SVOPL: variants seen among roughly 807,000 people sequenced by gnomAD.
The protein encoded by SVOPL is putative transporter SVOPL.
Under a neutral mutation model 61.0 loss-of-function variants are expected in SVOPL, and 60 were observed. That is an observed-to-expected ratio of 0.98 (90% CI 0.80 to 1.22). The LOEUF (loss-of-function observed/expected upper bound fraction) is 1.22. SVOPL is among the 50% of genes most tolerant of loss of function. The pLI is 0.00. For missense variants in SVOPL, 662 were observed against 643.9 expected, an observed-to-expected ratio of 1.03 and a Z score of -0.30; for synonymous variants, 279 against 250.0, an observed-to-expected ratio of 1.12 and a Z score of -1.09.
chr7:138,649,056 G>C lies in SVOPL; in HGVS notation c.616C>G (p.Arg206Gly). 1 of 1,613,830 alleles carries C rather than the reference G, an allele frequency of 6.2e-7. No individual in the cohort carries two copies. The highest frequency in any genetic ancestry group is 8.5e-7 in the Non-Finnish European group (1 of 1,179,950). ...ATGATGCCCGGGATGGAGGCGACGC[G>C]AATGAGCCAGCGCCACCCGATGGTG... ...IPTIGWRWLIRVASIPGIILI... is the reference protein window; with the variant it reads ...IPTIGWRWLIGVASIPGIILI... Residue 206 changes from arginine to glycine, a missense_variant, in exon 8 of 16, where the codon CGC (arginine) becomes GGC (glycine). By Grantham distance (125) the Arg-to-Gly change is moderately radical. Coordinates refer to ENST00000674285, the MANE Select transcript of SVOPL (RefSeq NM_001139456.2).
At chr7:138,631,960 T>TCTCTCACACACACACACACACA (rs935815206) in intron 9 of SVOPL, among the ~76,000 whole-genome samples, 3 of 147,066 alleles carry the variant, frequency 2.0e-5, no homozygotes, top group African/African-American at 7.6e-5. Flanking sequence ...TGCTCTGATA[T>TCTCTCACACACACACACACACA]CACACACACA....
intron 3 of SVOPL, among the ~76,000 whole-genome samples, chr7:138,672,673 A>AAAAAAAAAAAG (rs1563133311): frequency 6.6e-6 from 1 of 150,454 alleles, no homozygotes; most frequent in African/African-American, 2.5e-5. Flanking sequence ...AAAAAAAAAA[A>AAAAAAAAAAAG]AAGAAGCAAT....
rs375405026 is a variant in SVOPL at position 138,627,408 on chromosome 7, A to G, written c.1123T>C (p.Ser375Pro). The G allele has an allele frequency of 6.2e-7, 1 of 1,613,816 alleles. No individual in the cohort carries two copies. The highest frequency in any genetic ancestry group is 1.3e-5 in the African/African-American group (1 of 75,062). ...AAAGCCGTGCATCCCATGGTAATAG[A>G]AAGGCTCAGCCGTCTTCCCAGGAAA... ...INFLGRRLSL[S>P]ITMGCTALFF... is the part of the protein sequence containing the mutation. The change falls in exon 12 of 16, where the codon TCT becomes CCT. Residue 375 changes from serine (S) to proline (P), a missense_variant. Physicochemically the swap from Ser to Pro is moderately conservative, Grantham distance 74 (BLOSUM62 -1). Coordinates refer to ENST00000674285, the MANE Select transcript of SVOPL (RefSeq NM_001139456.2).
At chr7:138,674,085 G>A (rs1163804188) in intron 3 of SVOPL, among the ~76,000 whole-genome samples, 1 of 151,912 alleles carries the variant, frequency 6.6e-6, no homozygotes, top group Non-Finnish European at 1.5e-5. Flanking sequence ...CTACTCAGGA[G>A]GCTAAGGCAG....
At chr7:138,652,378 G>C (rs1301447027) in intron 7 of SVOPL, among the ~76,000 whole-genome samples, 3 of 151,484 alleles carry the variant, frequency 2.0e-5, no homozygotes, top group African/African-American at 7.3e-5. Flanking sequence ...GTAGACTTGG[G>C]GCCTCACTGT....
chr7:138,616,917 G>A (rs1175147426), intron 14 of SVOPL, among the ~76,000 whole-genome samples: 2 of 152,172 alleles, frequency 1.3e-5, no homozygotes, highest in Non-Finnish European at 2.9e-5. Flanking sequence ...CTCCTGAGTA[G>A]CTGGGACTAT....
intron 1 of SVOPL, among the ~76,000 whole-genome samples, chr7:138,695,917 C>T (rs1584873750): frequency 6.6e-6 from 1 of 151,432 alleles, no homozygotes. Context: ...CGAGTAGCTG[C>T]GACTACAGGT....
At chr7:138,695,611 T>C (rs918489720) in intron 1 of SVOPL, among the ~76,000 whole-genome samples, 13 of 152,150 alleles carry the variant, frequency 8.5e-5, no homozygotes, top group Admixed American at 4.6e-4. Flanking sequence ...CTTGTGAGTC[T>C]TGAGACCTGG....
intron 11 of SVOPL, 32 bp downstream of exon 11, chr7:138,628,126 C>A: frequency 6.2e-7 from 1 of 1,613,376 alleles, no homozygotes; most frequent in Non-Finnish European, 8.5e-7. Context: ...CCACCCAAGA[C>A]AGAGAGACCC....
At chr7:138,673,695 T>C (rs1802485472) in intron 3 of SVOPL, among the ~76,000 whole-genome samples, 2 of 152,188 alleles carry the variant, frequency 1.3e-5, no homozygotes, top group South Asian at 4.1e-4. Context: ...CTCATCTTCC[T>C]TCAGTAATAC....
intron 11 of SVOPL, 108 bp from the exon 12 acceptor site, chr7:138,627,569 C>T (rs934891142): frequency 2.3e-5 from 18 of 779,900 alleles, no homozygotes; most frequent in Non-Finnish European, 3.4e-5. Flanking sequence ...GCAACTTCAT[C>T]CAAACCTCAC....
At chr7:138,602,797 TGCTCTCCCAGGA>T (rs1798587261) in intron 14 of SVOPL, among the ~76,000 whole-genome samples, 1 of 152,054 alleles carries the variant, frequency 6.6e-6, no homozygotes, top group South Asian at 2.1e-4. Context: ...AGGTCTGTCC[TGCTCTCCCAGGA>T]CCTCAATTTT....
At chr7:138,658,941 G>A (rs1253188900) in intron 6 of SVOPL, among the ~76,000 whole-genome samples, 2 of 151,388 alleles carry the variant, frequency 1.3e-5, no homozygotes, top group African/African-American at 2.4e-5. Flanking sequence ...CCTCAGCCAG[G>A]GCACTCTAAA....
intron 2 of SVOPL, 83 bp from the exon 3 acceptor site, chr7:138,678,608 C>T (rs1584865270): frequency 2.2e-6 from 3 of 1,372,576 alleles, no homozygotes; most frequent in East Asian, 5.0e-5. Context: ...AAAGCCAACC[C>T]ATTATTATAA....
chr7:138,653,529 C>T (rs765049817), intron 7 of SVOPL, among the ~76,000 whole-genome samples: 3 of 152,164 alleles, frequency 2.0e-5, no homozygotes, highest in Non-Finnish European at 2.9e-5. Flanking sequence ...GGGCCGTGCA[C>T]AGTGCCTCTT....
intron 1 of SVOPL, among the ~76,000 whole-genome samples, chr7:138,690,261 G>T (rs1201117880): frequency 6.6e-6 from 1 of 152,216 alleles, no homozygotes; most frequent in East Asian, 1.9e-4. Flanking sequence ...TGAATGGTCA[G>T]AGAAGCATCA....
chr7:138,652,848 A>G (rs924556057), intron 7 of SVOPL, among the ~76,000 whole-genome samples: 1 of 152,002 alleles, frequency 6.6e-6, no homozygotes, highest in Non-Finnish European at 1.5e-5. Context: ...CTGGTCGTGA[A>G]CCCCTGACCT....
At chr7:138,700,645 C>T (rs1803172315) in intron 1 of SVOPL, among the ~76,000 whole-genome samples, 1 of 151,490 alleles carries the variant, frequency 6.6e-6, no homozygotes, top group South Asian at 2.1e-4. Flanking sequence ...GGCTGGTTTC[C>T]TGTGTCATTC....
At chr7:138,673,357 G>A (rs545694392) in intron 3 of SVOPL, among the ~76,000 whole-genome samples, 1 of 152,236 alleles carries the variant, frequency 6.6e-6, no homozygotes, top group Admixed American at 6.5e-5. Context: ...AAGTAAGAGA[G>A]CATAATTATC....
Sources: allele counts gnomAD v4.1 joint callset (sites outside exome capture counted in the v4.1 genomes callset), GRCh38; gene constraint gnomAD v4.1.1; transcripts MANE v1.5; gene names NCBI Gene and HGNC (gene_info 2026-07-23, HGNC 2026-07-21).